CNIH1: variants seen among roughly 807,000 people sequenced by gnomAD.
The protein encoded by CNIH1 is cornichon family member 1, also known as protein cornichon homolog 1.
CNIH1 carries 12 observed loss-of-function variants against 20.2 expected under a neutral mutation model. The observed-to-expected ratio is 0.59, with a 90% confidence interval of 0.38 to 0.96. The LOEUF is 0.96. CNIH1 is among the 40% of genes least tolerant of loss of function. CNIH1 has a pLI of 0.00. For missense variants in CNIH1, 152 were observed against 178.8 expected, an observed-to-expected ratio of 0.85 and a Z score of 0.85; for synonymous variants, 69 against 63.3, an observed-to-expected ratio of 1.09 and a Z score of -0.43.
At chr14:54,440,948 G>A (rs2031158341) in intron 1 of CNIH1, among the ~76,000 whole-genome samples, 1 of 151,724 alleles carries the variant, frequency 6.6e-6, no homozygotes, top group South Asian at 2.1e-4. Context: ...AGGTCGGTGC[G>A]AACGCAGCGC....
chr14:54,439,122 TA>T (rs1471015087), intron 1 of CNIH1, among the ~76,000 whole-genome samples: 1 of 152,102 alleles, frequency 6.6e-6, no homozygotes, highest in Non-Finnish European at 1.5e-5. Context: ...ATAAACACTA[TA>T]AAGGAATGGA....
chr14:54,440,212 G>A (rs1422457956), intron 1 of CNIH1, among the ~76,000 whole-genome samples: 1 of 152,172 alleles, frequency 6.6e-6, no homozygotes, highest in African/African-American at 2.4e-5. Flanking sequence ...CTGGCATGAT[G>A]AAACCTGACT....
intron 2 of CNIH1, among the ~76,000 whole-genome samples, chr14:54,432,953 CACA>C (rs889458927): frequency 2.0e-5 from 3 of 152,154 alleles, no homozygotes; most frequent in African/African-American, 7.2e-5. Flanking sequence ...ATGCTACAGA[CACA>C]ACAGAAGACC....
Position 54,426,999 on chromosome 14 carries a change from T to C in CNIH1, c.*815A>G, listed in dbSNP as rs1051134827. 1.3e-5 allele frequency: 2 copies of C among 152,208 alleles called. No homozygotes were observed. Among genetic ancestry groups the C allele is most frequent in the Non-Finnish European group, 2.9e-5 (2 of 68,012 alleles). The allele number at this position is 152,208 out of a possible 1,614,324, so 9.4% of individuals were successfully genotyped here. A position where few individuals can be genotyped will look rare whatever the true frequency, so the allele number is the denominator to read the frequency against. On this transcript the variant is annotated 3_prime_UTR_variant, in exon 5 of 5. Transcript: ENST00000216416. ...AGGATGGTTATACAATTTTCTCTCA[T>C]TCAGTTTTGAAAATCTGTAGTACCT...
At chr14:54,439,545 T>C (rs1201648220) in intron 1 of CNIH1, among the ~76,000 whole-genome samples, 1 of 149,344 alleles carries the variant, frequency 6.7e-6, no homozygotes, top group African/African-American at 2.5e-5. Context: ...ACACACTTTC[T>C]TTCTTTCTTT....
chr14:54,426,675 C>T lies in CNIH1; in HGVS notation c.*1139G>A, dbSNP rs562197800. 1.3e-5 allele frequency: 2 copies of T among 151,628 alleles called. No homozygotes were observed. The highest frequency in any genetic ancestry group is 4.1e-4 in the South Asian group (2 of 4,820). 9.4% of individuals were successfully genotyped at this position (151,628 alleles called of 1,614,324 possible). A position where few individuals can be genotyped will look rare whatever the true frequency, so the allele number is the denominator to read the frequency against. On this transcript the variant is annotated 3_prime_UTR_variant, in exon 5 of 5. Coordinates refer to ENST00000216416, the MANE Select transcript of CNIH1 (RefSeq NM_005776.3). Reference sequence around the variant, plus strand: ...AAATCAAAGTAAAATATTTTAAGTGCCACCATAATTTTTCTTAATTGGTAA... The same window carrying T: ...AAATCAAAGTAAAATATTTTAAGTGTCACCATAATTTTTCTTAATTGGTAA...
chr14:54,429,401 G>A (rs1012395123), intron 4 of CNIH1, among the ~76,000 whole-genome samples: 4 of 152,202 alleles, frequency 2.6e-5, no homozygotes, highest in African/African-American at 4.8e-5. Flanking sequence ...GCCCAGAAGC[G>A]TCAACAGTGC....
intron 2 of CNIH1, among the ~76,000 whole-genome samples, chr14:54,435,472 C>CA (rs1235505371): frequency 6.6e-6 from 1 of 152,172 alleles, no homozygotes; most frequent in Non-Finnish European, 1.5e-5. Flanking sequence ...GCTCAGAACT[C>CA]AGTGTAATTC....
At chr14:54,435,602 G>C (rs1231855048) in intron 2 of CNIH1, among the ~76,000 whole-genome samples, 2 of 152,080 alleles carry the variant, frequency 1.3e-5, no homozygotes, top group Non-Finnish European at 2.9e-5. Context: ...ATTGCTGCGA[G>C]ATCCCAGAGC....
chr14:54,433,524 C>T (rs1389428513), intron 2 of CNIH1, among the ~76,000 whole-genome samples: 1 of 152,152 alleles, frequency 6.6e-6, no homozygotes, highest in African/African-American at 2.4e-5. Flanking sequence ...TTTAAGCCAG[C>T]ATCTATTTAA....
At chr14:54,432,307 A>G (rs1432904082) in intron 2 of CNIH1, 87 bp from the exon 3 acceptor site, 1 of 576,176 alleles carries the variant, frequency 1.7e-6, no homozygotes, top group East Asian at 3.3e-5. Flanking sequence ...CCAAGTTTCC[A>G]TAATGAAAAA....
At chr14:54,439,846 G>A (rs1345755925) in intron 1 of CNIH1, among the ~76,000 whole-genome samples, 5 of 151,968 alleles carry the variant, frequency 3.3e-5, no homozygotes, top group African/African-American at 1.2e-4. Flanking sequence ...CACCGCGCCC[G>A]GCCATGGAAC....
At chr14:54,431,260 T>C (rs2030937818) in intron 3 of CNIH1, among the ~76,000 whole-genome samples, 1 of 152,080 alleles carries the variant, frequency 6.6e-6, no homozygotes. Context: ...CCCAAGTAGC[T>C]GAGTTTATAG....
intron 1 of CNIH1, among the ~76,000 whole-genome samples, chr14:54,439,558 T>G (rs998107647): frequency 5.6e-5 from 8 of 143,884 alleles, no homozygotes; most frequent in East Asian, 4.3e-4. Flanking sequence ...CTTTCTTTTT[T>G]TTTGTTTTTT....
chr14:54,437,481 G>T (rs1397827907), intron 1 of CNIH1, among the ~76,000 whole-genome samples: 2 of 151,928 alleles, frequency 1.3e-5, no homozygotes, highest in Non-Finnish European at 2.9e-5. Flanking sequence ...TCACCCACCT[G>T]CCCTAATAAA....
In CNIH1 at chr14:54,441,124, C is replaced by G. The variant is rs533361339; in HGVS notation, c.81+123G>C. Reference sequence around the variant, plus strand: ...CAGACCCCTCGCCGCGCGGCCCGTGCCAGCCGGGCCGCATCCCCGACGCGC... The same window carrying G: ...CAGACCCCTCGCCGCGCGGCCCGTGGCAGCCGGGCCGCATCCCCGACGCGC... On this transcript the variant is annotated intron_variant, in intron 1 of 4. Coordinates refer to ENST00000216416, the MANE Select transcript of CNIH1 (RefSeq NM_005776.3). 24 of 1,044,148 alleles carry G rather than the reference C, an allele frequency of 2.3e-5. No homozygotes were observed. In the East Asian group the frequency reaches 5.4e-4, roughly 23 times the overall value. The allele number at this position is 1,044,148 out of a possible 1,614,324, so 64.7% of individuals were successfully genotyped here.
intron 1 of CNIH1, among the ~76,000 whole-genome samples, chr14:54,439,822 T>C (rs2140008563): frequency 6.6e-6 from 1 of 152,228 alleles, no homozygotes; most frequent in South Asian, 2.1e-4. Flanking sequence ...AGTGCTGGGA[T>C]TACAGGAGTG....
chr14:54,438,369 T>C (rs571020598), intron 1 of CNIH1, among the ~76,000 whole-genome samples: 67 of 152,324 alleles, frequency 4.4e-4, no homozygotes, highest in African/African-American at 1.4e-3. Context: ...ATATTCTTAA[T>C]GATTTTCAAA....
At chr14:54,428,084 G>A (rs1257001733) in intron 4 of CNIH1, among the ~76,000 whole-genome samples, 8 of 152,168 alleles carry the variant, frequency 5.3e-5, no homozygotes, top group Admixed American at 5.2e-4. Flanking sequence ...CGGCACAGCT[G>A]AAAGCTTAAT....
Sources: allele counts gnomAD v4.1 joint callset (sites outside exome capture counted in the v4.1 genomes callset), GRCh38; gene constraint gnomAD v4.1.1; transcripts MANE v1.5; gene names NCBI Gene and HGNC (gene_info 2026-07-23, HGNC 2026-07-21).